The following CSMD3 variants were observed in gnomAD, a reference collection of about 807,000 sequenced individuals.
CSMD3 encodes CUB and sushi domain-containing protein 3.
CSMD3 carries 177 observed loss-of-function variants against 435.2 expected under a neutral mutation model. The ratio of observed to expected loss-of-function variants is 0.41; its 90% CI spans 0.36 to 0.46. The LOEUF (loss-of-function observed/expected upper bound fraction) is 0.46, where lower values mean the gene tolerates loss of function less well. Ranked by LOEUF, CSMD3 falls within the 20% of genes least tolerant of loss-of-function variation. CSMD3 has a pLI of 0.34. For missense variants in CSMD3, 4,265 were observed against 4,504.6 expected (o/e 0.95, Z 1.52); for synonymous variants, 1,656 against 1,520.5 (o/e 1.09, Z -2.07).
chr8:112,536,498 C>T (rs1442452570), intron 27 of CSMD3, among the ~76,000 whole-genome samples: 1 of 152,066 alleles, frequency 6.6e-6, no homozygotes, highest in Non-Finnish European at 1.5e-5. Flanking sequence ...GTTAGAATGG[C>T]AATCATTAAA....
chr8:112,960,938 C>T (rs1445569668), intron 7 of CSMD3, among the ~76,000 whole-genome samples: 5 of 151,612 alleles, frequency 3.3e-5, no homozygotes, highest in Non-Finnish European at 5.9e-5. Context: ...AAATCTTAAA[C>T]TCCTAATTAT....
chr8:112,859,411 T>C, intron 10 of CSMD3, 145 bp from the exon 11 acceptor site: 1 of 728,834 alleles, frequency 1.4e-6, no homozygotes, highest in South Asian at 1.6e-5. Context: ...TAATGTCACT[T>C]ATCAAAATAC....
At chr8:112,879,382 C>G (rs892101725) in intron 10 of CSMD3, among the ~76,000 whole-genome samples, 2 of 152,064 alleles carry the variant, frequency 1.3e-5, no homozygotes, top group Admixed American at 6.6e-5. Flanking sequence ...GCCCTTGAAC[C>G]GTGTTTCCTG....
chr8:112,466,769 A>G (rs984400160), intron 32 of CSMD3, among the ~76,000 whole-genome samples: 4 of 152,218 alleles, frequency 2.6e-5, no homozygotes, highest in African/African-American at 4.8e-5. Flanking sequence ...CTTAATAACC[A>G]CTATGTAATT....
At chr8:112,396,824 G>A (rs565557701) in intron 35 of CSMD3, among the ~76,000 whole-genome samples, 1 of 152,240 alleles carries the variant, frequency 6.6e-6, no homozygotes, top group Non-Finnish European at 1.5e-5. Context: ...TAAAGGTAAT[G>A]GTATAAAGAG....
At chr8:112,859,851 A>T (rs1358877943) in intron 10 of CSMD3, among the ~76,000 whole-genome samples, 1 of 151,762 alleles carries the variant, frequency 6.6e-6, no homozygotes, top group Non-Finnish European at 1.5e-5. Flanking sequence ...TCTTCTACTT[A>T]ATAAATGAGC....
intron 4 of CSMD3, among the ~76,000 whole-genome samples, chr8:113,142,675 T>C (rs1405989792): frequency 6.6e-6 from 1 of 151,000 alleles, no homozygotes; most frequent in Non-Finnish European, 1.5e-5. Context: ...AGATCTAGTA[T>C]TTGACAACAC....
chr8:112,228,371 T>C (rs1205939963), intron 70 of CSMD3, among the ~76,000 whole-genome samples: 1 of 152,170 alleles, frequency 6.6e-6, no homozygotes, highest in African/African-American at 2.4e-5. Context: ...GGACACAAGC[T>C]CCTTCTTAGT....
At chr8:112,346,607 C>T (rs1825691319) in intron 40 of CSMD3, among the ~76,000 whole-genome samples, 2 of 151,390 alleles carry the variant, frequency 1.3e-5, no homozygotes, top group East Asian at 1.9e-4. Flanking sequence ...ATCAAGCCAA[C>T]CACTTCAGCT....
rs773585004 is a variant in CSMD3 at position 113,399,106 on chromosome 8, T to TATACACACACAC, written c.178+37570_178+37571insGTGTGTGTGTAT. Among the ~76,000 whole-genome samples the TATACACACACAC allele has an allele frequency of 1.3e-3, 119 of 95,058 alleles. 1 individual carries two copies. Among genetic ancestry groups the TATACACACACAC allele is most frequent in the African/African-American group, 1.9e-3 (41 of 22,142 alleles). The allele number at this position is 95,058 out of a possible 152,430, so 62.4% of individuals were successfully genotyped here. On this transcript the variant is annotated intron_variant, in intron 1 of 70. Transcript: ENST00000297405. ...ATATATATATATATATATATATATA[T>TATACACACACAC]ACACACACACACACACACTATATAT...
At chr8:112,306,428 T>C (rs1821428239) in intron 50 of CSMD3, among the ~76,000 whole-genome samples, 1 of 152,184 alleles carries the variant, frequency 6.6e-6, no homozygotes, top group African/African-American at 2.4e-5. Context: ...ATGCTTTATT[T>C]CTTGGTTTCT....
Position 112,337,650 on chromosome 8 carries a change from G to A in CSMD3, c.6734C>T (p.Thr2245Ile), listed in dbSNP as rs762418994. 6 of 1,613,300 alleles carry A rather than the reference G, an allele frequency of 3.7e-6. No homozygotes were observed. The South Asian group carries it at 5.5e-5, about 15-fold the overall frequency. Residue 2245 changes from threonine (T) to isoleucine (I), a missense_variant, in exon 43 of 71, where the codon ACC becomes ATC. By Grantham distance (89) the Thr-to-Ile change is moderately conservative. Around this residue, in one of 3 missense-constraint regions of CSMD3, gnomAD observed 3,255 missense variants for 3,380.2 expected, o/e 0.96. Coordinates refer to ENST00000297405, the MANE Select transcript of CSMD3 (RefSeq NM_198123.2). Reference protein sequence around the residue: ...VIGNDFTVGQTISFECFPGYT... With the variant: ...VIGNDFTVGQIISFECFPGYT... ...TCCTGGGAAACATTCAAATGAAATG[G>A]TTTGACCCACAGTAAAATCATTACC...
intron 4 of CSMD3, among the ~76,000 whole-genome samples, chr8:113,112,469 ACACG>A (rs2090685970): frequency 2.1e-5 from 1 of 46,858 alleles, no homozygotes; most frequent in Admixed American, 2.9e-4. Flanking sequence ...ACACACACAC[ACACG>A]TACACACACA....
At chr8:112,668,133 T>C (rs1274935065) in intron 16 of CSMD3, among the ~76,000 whole-genome samples, 1 of 152,146 alleles carries the variant, frequency 6.6e-6, no homozygotes, top group African/African-American at 2.4e-5. Flanking sequence ...TCTTCCTTAA[T>C]AGAATTTAAT....
At chr8:112,431,867 A>T (rs141137381) in intron 32 of CSMD3, among the ~76,000 whole-genome samples, 3 of 152,210 alleles carry the variant, frequency 2.0e-5, no homozygotes, top group African/African-American at 7.2e-5. Context: ...AAGCTTAGTA[A>T]CTTTTTTCTT....
At chr8:112,492,846 C>T (rs1046531710) in intron 30 of CSMD3, among the ~76,000 whole-genome samples, 163 bp from the exon 31 acceptor site, 3 of 152,104 alleles carry the variant, frequency 2.0e-5, no homozygotes, top group Admixed American at 6.6e-5. Flanking sequence ...TCATTACTCC[C>T]TAAATAACAT....
chr8:113,269,143 T>C (rs1004881892), intron 3 of CSMD3, among the ~76,000 whole-genome samples: 1 of 152,036 alleles, frequency 6.6e-6, no homozygotes, highest in Non-Finnish European at 1.5e-5. Flanking sequence ...TTTAATAAAA[T>C]TTTTAGCACC....
chr8:112,583,842 T>A (rs541963869), intron 23 of CSMD3, among the ~76,000 whole-genome samples: 1 of 152,038 alleles, frequency 6.6e-6, no homozygotes, highest in African/African-American at 2.4e-5. Context: ...TTTTGTTCAA[T>A]TCAGAATGGA....
rs1181084619 is a variant in CSMD3, at chr8:112,424,312, G to GTTCT, written c.5396-15281_5396-15280insAGAA. Among the ~76,000 whole-genome samples the GTTCT allele has an allele frequency of 2.0e-5, 3 of 152,076 alleles. No homozygotes were observed. The East Asian group carries it at 5.8e-4, about 29-fold the overall frequency. ...CTAGTTACCATACCAAAGGCAAGAA[G>GTTCT]AATTAATAGTAAGTTCTAAACAAAT... On this transcript the variant is annotated intron_variant, in intron 32 of 70. Transcript: ENST00000297405.
Sources: gnomAD v4.1 joint callset for allele counts (sites outside exome capture counted in the v4.1 genomes callset) on GRCh38, gnomAD v4.1.1 for gene constraint, gnomAD v4.1.1 regional missense constraint, MANE v1.5 for transcripts, NCBI Gene and HGNC (gene_info 2026-07-23, HGNC 2026-07-21) for gene names.